MYLK: variants seen among roughly 807,000 people sequenced by gnomAD.
The protein encoded by MYLK is myosin light chain kinase, smooth muscle.
MYLK carries 106 observed loss-of-function variants against 203.4 expected under a neutral mutation model. The observed-to-expected ratio is 0.52, with a 90% CI of 0.45 to 0.61. MYLK has a LOEUF of 0.61. MYLK is among the 20% of genes least tolerant of loss of function. The pLI is 0.00. For missense variants in MYLK, 2,072 were observed against 2,442.3 expected (o/e 0.85, Z 3.20); for synonymous variants, 867 against 959.5 (o/e 0.90, Z 1.78).
rs2066103362 is a variant in MYLK, at chr3:123,825,971, C to T, written c.-4+5577G>A. Among the ~76,000 whole-genome samples the T allele has an allele frequency of 7.2e-5, 11 of 152,344 alleles. No individual in the cohort carries two copies. In the South Asian group the frequency reaches 2.1e-3, roughly 29 times the overall value. Reference sequence around the variant, plus strand: ...CCCCTGCACCAGCAAAGTGGCTATGCATCCACACTCAGGACCTGAGAAACA... The same window carrying T: ...CCCCTGCACCAGCAAAGTGGCTATGTATCCACACTCAGGACCTGAGAAACA... On this transcript the variant is annotated intron_variant, in intron 3 of 33. Coordinates refer to ENST00000360304, the MANE Select transcript of MYLK (RefSeq NM_053025.4).
Position 123,629,137 on chromosome 3 carries a change from A to G in MYLK, c.5114+337T>C, listed in dbSNP as rs1378063416. ...CTGAAGAGGGCTGTGGCTGGCCACAACTGTACCCAGAAAATAAGAAGGGTG... is the reference window on the plus strand; with the variant it reads ...CTGAAGAGGGCTGTGGCTGGCCACAGCTGTACCCAGAAAATAAGAAGGGTG... On this transcript the variant is annotated intron_variant, in intron 30 of 33. Coordinates refer to ENST00000360304, the MANE Select transcript of MYLK (RefSeq NM_053025.4). The surrounding 1 kb of genome is among the most constrained non-coding windows in gnomAD (Gnocchi z 4.4). Among the ~76,000 whole-genome samples, 1 of 152,152 alleles carries G rather than the reference A, an allele frequency of 6.6e-6. No homozygotes were observed. Among genetic ancestry groups the G allele is most frequent in the Non-Finnish European group, 1.5e-5 (1 of 68,022 alleles).
At position 123,709,825 on chromosome 3, in the gene MYLK, A is replaced by G. The variant is rs1439552576; in HGVS notation, c.1873T>C (p.Phe625Leu). ...TTGAGATCAGAGAGGCCCTGCAGGAAGATGGGTGCAGTGGGCTTGCTGGGA... is the reference window on the plus strand; with the variant it reads ...TTGAGATCAGAGAGGCCCTGCAGGAGGATGGGTGCAGTGGGCTTGCTGGGA... The part of the protein sequence containing the change: ...VAPSKPTAPI[F>L]LQGLSDLKVM... The change falls in exon 14 of 34, where the codon TTC becomes CTC. Residue 625 changes from phenylalanine (F) to leucine (L), a missense_variant. Transcript: ENST00000360304. 10 of 1,614,118 alleles carry G rather than the reference A, an allele frequency of 6.2e-6. No individual in the cohort carries two copies. The highest frequency in any genetic ancestry group is 8.5e-6 in the Non-Finnish European group (10 of 1,180,044).
chr3:123,877,691 T>C (rs146443263), intron 1 of MYLK, among the ~76,000 whole-genome samples: 11 of 152,314 alleles, frequency 7.2e-5, no homozygotes, highest in African/African-American at 2.4e-4. Flanking sequence ...ATAAGAACTG[T>C]TCCTCCAGGC....
chr3:123,863,244 T>G (rs1365462850), intron 2 of MYLK, among the ~76,000 whole-genome samples: 1 of 151,768 alleles, frequency 6.6e-6, no homozygotes, highest in Non-Finnish European at 1.5e-5. Context: ...TAATTTGAGA[T>G]GGATGACAAA....
chr3:123,726,669 C>T (rs1330399865), intron 11 of MYLK, among the ~76,000 whole-genome samples: 3 of 152,116 alleles, frequency 2.0e-5, no homozygotes, highest in Non-Finnish European at 2.9e-5. Flanking sequence ...TCAGAGCTGC[C>T]GGGGACCTGG....
chr3:123,757,927 T>TA (rs1560179949), intron 4 of MYLK, among the ~76,000 whole-genome samples: 2 of 151,956 alleles, frequency 1.3e-5, no homozygotes, highest in Non-Finnish European at 2.9e-5. Context: ...GACTGGTGAT[T>TA]AAAAACTGAA....
At chr3:123,820,819 GTT>G (rs548161154) in intron 3 of MYLK, among the ~76,000 whole-genome samples, 41 of 152,186 alleles carry the variant, frequency 2.7e-4, no homozygotes, top group Admixed American at 2.2e-3. Context: ...TGCCTCCCAG[GTT>G]CAGGCAATTC....
chr3:123,685,946 C>T (rs1368728993), intron 19 of MYLK, among the ~76,000 whole-genome samples: 2 of 152,154 alleles, frequency 1.3e-5, no homozygotes, highest in African/African-American at 2.4e-5. Context: ...AGGGGGTGGC[C>T]GCGCTCCACT....
chr3:123,642,850 A>G lies in MYLK; in HGVS notation c.4620-2346T>C, dbSNP rs116433485. ...AGTCAATGCTCAATATTAATGATCA[A>G]TTTTCTATGTAAAGAATCACTTGGG... On this transcript the variant is annotated intron_variant, in intron 27 of 33. Coordinates refer to ENST00000360304, the MANE Select transcript of MYLK (RefSeq NM_053025.4). This position sits in a 1 kb window ranked among gnomAD's most constrained non-coding sequence, Gnocchi z 4.2. 3.2e-3 allele frequency among the ~76,000 whole-genome samples: 493 copies of G among 152,288 alleles called. 3 individuals carry two copies. Among genetic ancestry groups the G allele is most frequent in the African/African-American group, 0.011 (447 of 41,552 alleles).
intron 15 of MYLK, 49 bp downstream of exon 15, chr3:123,708,649 G>C (rs776564598): frequency 6.2e-7 from 1 of 1,606,526 alleles, no homozygotes; most frequent in Non-Finnish European, 8.5e-7. Context: ...CTTTTGGAGG[G>C]GCTGCAGCAG....
intron 23 of MYLK, chr3:123,659,606 T>C: frequency 2.0e-6 from 1 of 488,892 alleles, no homozygotes; most frequent in Admixed American, 2.1e-5. Flanking sequence ...CCTTTAGAGC[T>C]GTGGGCTGCA....
intron 13 of MYLK, among the ~76,000 whole-genome samples, chr3:123,719,615 G>A (rs2062019207): frequency 6.6e-6 from 1 of 152,224 alleles, no homozygotes; most frequent in Admixed American, 6.5e-5. Context: ...TTTCACACAA[G>A]AGGAAGCTGA....
At chr3:123,686,979 T>C (rs1644609231) in intron 19 of MYLK, among the ~76,000 whole-genome samples, 1 of 152,148 alleles carries the variant, frequency 6.6e-6, no homozygotes, top group Non-Finnish European at 1.5e-5. Flanking sequence ...CCCAGCACTT[T>C]GGGAGGCTGA....
chr3:123,692,843 A>G lies in MYLK; in HGVS notation c.3457T>C (p.Cys1153Arg), dbSNP rs1480199241. The G allele has an allele frequency of 1.2e-6, 2 of 1,613,824 alleles. No individual in the cohort carries two copies. Among genetic ancestry groups the G allele is most frequent in the Admixed American group, 1.7e-5 (1 of 60,024 alleles). ...FIILSQEGSL[C>R]SVSIEKALPE... ...AGTGCCTTCTCGATGGAGACGGAGCAGAGTGAGCCTGGGGAGGAAGAATTG... is the reference window on the plus strand; with the variant it reads ...AGTGCCTTCTCGATGGAGACGGAGCGGAGTGAGCCTGGGGAGGAAGAATTG... The change falls in exon 19 of 34, where the codon TGC becomes CGC. Residue 1153 changes from cysteine to arginine, a missense_variant. This residue lies in a region of MYLK where 865 missense variants were observed against 1,016.0 expected (regional missense o/e 0.85). Transcript: ENST00000360304.
intron 2 of MYLK, among the ~76,000 whole-genome samples, chr3:123,854,319 T>TA (rs1237658464): frequency 2.6e-5 from 4 of 151,944 alleles, no homozygotes; most frequent in Non-Finnish European, 4.4e-5. Flanking sequence ...AGTTTTTTCT[T>TA]AAAAAATCTA....
At chr3:123,821,396 C>A (rs2065933364) in intron 3 of MYLK, among the ~76,000 whole-genome samples, 1 of 152,112 alleles carries the variant, frequency 6.6e-6, no homozygotes, top group South Asian at 2.1e-4. Context: ...TAATGGATAG[C>A]AAATGAATAA....
At chr3:123,798,795 C>T (rs2065082263) in intron 3 of MYLK, among the ~76,000 whole-genome samples, 1 of 152,160 alleles carries the variant, frequency 6.6e-6, no homozygotes, top group Non-Finnish European at 1.5e-5. Context: ...TCACCCTCAG[C>T]CCATCGCCCC....
At chr3:123,618,837 A>G in intron 32 of MYLK, 67 bp from the exon 33 acceptor site, 2 of 1,603,532 alleles carry the variant, frequency 1.2e-6, no homozygotes, top group Non-Finnish European at 1.7e-6. Flanking sequence ...TCTAGCTTAA[A>G]GAAACTAACT....
At position 123,793,731 on chromosome 3, in the gene MYLK, C is replaced by T. The variant is rs1259213572; in HGVS notation, c.111G>A (p.Leu37=). 2 of 1,614,108 alleles carry T rather than the reference C, an allele frequency of 1.2e-6. No homozygotes were observed. The highest frequency in any genetic ancestry group is 2.2e-5 in the East Asian group (1 of 44,872). The change falls in exon 4 of 34, where the codon TTG becomes TTA. Residue 37 remains leucine, a synonymous_variant. Transcript: ENST00000360304. ...CTTTGATGCAGAGGTTCCGAGGGGG[C>T]AAAATGAAAGCAGGGGCCTCTGTCA... ...MPLTEAPAFI[L]PPRNLCIKEG...
Sources: gnomAD v4.1 joint callset for allele counts (sites outside exome capture counted in the v4.1 genomes callset) on GRCh38, gnomAD v4.1.1 for gene constraint, gnomAD v4.1.1 regional missense constraint, Gnocchi (gnomAD v3.1) non-coding constraint, MANE v1.5 for transcripts, NCBI Gene and HGNC (gene_info 2026-07-23, HGNC 2026-07-21) for gene names.